PTPRU: variants seen among roughly 807,000 people sequenced by gnomAD.
The protein encoded by PTPRU is receptor-type tyrosine-protein phosphatase U.
PTPRU carries 69 observed loss-of-function variants against 166.3 expected under a neutral mutation model. The ratio of observed to expected loss-of-function variants is 0.41; its 90% confidence interval spans 0.34 to 0.51. The LOEUF (loss-of-function observed/expected upper bound fraction) is 0.51, where lower values mean the gene tolerates loss of function less well. Ranked by LOEUF, PTPRU falls within the 20% of genes least tolerant of loss-of-function variation. The pLI, the probability that PTPRU is intolerant of heterozygous loss-of-function variation, is 0.09. For synonymous variants in PTPRU, 793 were observed against 814.0 expected (o/e 0.97, Z 0.44); for missense variants, 1,657 against 2,013.7 (o/e 0.82, Z 3.39).
intron 11 of PTPRU, among the ~76,000 whole-genome samples, chr1:29,281,539 C>T (rs1686083543): frequency 6.6e-6 from 1 of 152,142 alleles, no homozygotes; most frequent in African/African-American, 2.4e-5. Flanking sequence ...CCTTCCTGAG[C>T]CTCCGTTTCT....
At chr1:29,277,212 T>C (rs1425862062) in intron 8 of PTPRU, among the ~76,000 whole-genome samples, 2 of 152,304 alleles carry the variant, frequency 1.3e-5, no homozygotes, top group Admixed American at 6.5e-5. Flanking sequence ...GTGATTCTCA[T>C]GCCTCAGCCT....
At chr1:29,299,176 A>G (rs1687028844) in intron 15 of PTPRU, among the ~76,000 whole-genome samples, 1 of 152,218 alleles carries the variant, frequency 6.6e-6, no homozygotes, top group Non-Finnish European at 1.5e-5. Context: ...ATTTGAATTC[A>G]GGTCTCTCTG....
At chr1:29,306,472 A>G (rs1687394100) in intron 18 of PTPRU, among the ~76,000 whole-genome samples, 1 of 152,224 alleles carries the variant, frequency 6.6e-6, no homozygotes, top group African/African-American at 2.4e-5. Flanking sequence ...ACAGATAGAC[A>G]TGTTTACAAA....
In PTPRU at chr1:29,257,186, A is replaced by G. The variant is rs1025604529; in HGVS notation, c.206-1319A>G. Among the ~76,000 whole-genome samples, 2 of 151,192 alleles carry G rather than the reference A, an allele frequency of 1.3e-5. No homozygotes were observed. The highest frequency in any genetic ancestry group is 3.0e-5 in the Non-Finnish European group (2 of 67,752). On this transcript the variant is annotated intron_variant, in intron 2 of 29. Coordinates refer to ENST00000373779, the MANE Select transcript of PTPRU (RefSeq NM_133178.4). This position sits in a 1 kb window ranked among gnomAD's most constrained non-coding sequence, Gnocchi z 4.6. ...AAAGTGTCAGATTGGAAGAGGGAGA[A>G]AGATGCACACAGCTGCTCGCAGGGA...
At chr1:29,258,310 C>T (rs2151944569) in intron 2 of PTPRU, among the ~76,000 whole-genome samples, 195 bp from the exon 3 acceptor site, 1 of 152,296 alleles carries the variant, frequency 6.6e-6, no homozygotes, top group East Asian at 1.9e-4. Context: ...TTTTACTGCT[C>T]CAGGTCTCCT....
At chr1:29,246,805 G>A (rs961152644) in intron 1 of PTPRU, among the ~76,000 whole-genome samples, 1 of 152,072 alleles carries the variant, frequency 6.6e-6, no homozygotes, top group Non-Finnish European at 1.5e-5. Flanking sequence ...TACTGGAGAC[G>A]AGGTTTCACC....
At chr1:29,246,278 A>G (rs1374498376) in intron 1 of PTPRU, among the ~76,000 whole-genome samples, 3 of 152,202 alleles carry the variant, frequency 2.0e-5, no homozygotes, top group East Asian at 1.9e-4. Context: ...TCCTACCACC[A>G]TGGTATCTGT....
chr1:29,254,809 C>T (rs900680144), intron 1 of PTPRU, among the ~76,000 whole-genome samples: 18 of 152,152 alleles, frequency 1.2e-4, no homozygotes, highest in Non-Finnish European at 2.1e-4. Context: ...AGTAACAATC[C>T]GGAGATCTCA....
chr1:29,281,595 C>T (rs559592678), intron 11 of PTPRU, among the ~76,000 whole-genome samples: 2 of 152,304 alleles, frequency 1.3e-5, no homozygotes, highest in South Asian at 4.1e-4. Flanking sequence ...GCACTTTGTT[C>T]ATGGCTAATG....
At chr1:29,305,475 C>T (rs1480568261) in intron 18 of PTPRU, 47 bp downstream of exon 18, 1 of 1,566,648 alleles carries the variant, frequency 6.4e-7, no homozygotes, top group Non-Finnish European at 8.8e-7. Context: ...CCTGCCCGCT[C>T]CAGGCTTACT....
chr1:29,261,120 T>C (rs544949403), intron 7 of PTPRU, among the ~76,000 whole-genome samples: 6 of 152,280 alleles, frequency 3.9e-5, no homozygotes, highest in Non-Finnish European at 5.9e-5. Flanking sequence ...AAACCCATAT[T>C]TATAGATTTA....
At chr1:29,305,487 TC>T in intron 18 of PTPRU, 59 bp downstream of exon 18, 1 of 1,535,592 alleles carries the variant, frequency 6.5e-7, no homozygotes, top group Non-Finnish European at 9.0e-7. Context: ...AGGCTTACTA[TC>T]CAGGCAGGGC....
chr1:29,305,164 A>G (rs547709264), intron 17 of PTPRU, among the ~76,000 whole-genome samples, 188 bp from the exon 18 acceptor site: 1 of 152,190 alleles, frequency 6.6e-6, no homozygotes, highest in Non-Finnish European at 1.5e-5. Context: ...TTGACTCCAT[A>G]GCCCAGGCTC....
chr1:29,264,567 G>A (rs539998232), intron 7 of PTPRU, among the ~76,000 whole-genome samples: 7 of 151,252 alleles, frequency 4.6e-5, no homozygotes, highest in Non-Finnish European at 8.8e-5. Context: ...GTGCAATGGC[G>A]CAATCTCGGC....
At chr1:29,246,537 G>C (rs1163033361) in intron 1 of PTPRU, among the ~76,000 whole-genome samples, 1 of 152,174 alleles carries the variant, frequency 6.6e-6, no homozygotes, top group African/African-American at 2.4e-5. Flanking sequence ...CAACGAACCT[G>C]TTCACTGTTG....
chr1:29,259,602 G>A, intron 5 of PTPRU, 38 bp downstream of exon 5: 1 of 1,458,784 alleles, frequency 6.9e-7, no homozygotes, highest in Non-Finnish European at 9.3e-7. Flanking sequence ...GGGCGGGGTG[G>A]GAGGGGGTTG....
intron 7 of PTPRU, among the ~76,000 whole-genome samples, chr1:29,273,241 C>G (rs1372271816): frequency 1.3e-5 from 2 of 152,088 alleles, no homozygotes; most frequent in African/African-American, 4.8e-5. Context: ...CTCCATCTTG[C>G]CTTTGCTTCA....
chr1:29,244,330 G>A (rs1198529843), intron 1 of PTPRU, among the ~76,000 whole-genome samples: 2 of 152,036 alleles, frequency 1.3e-5, no homozygotes, highest in Admixed American at 6.6e-5. Flanking sequence ...ATACCTGGGG[G>A]ATGGGACAGC....
chr1:29,316,140 G>A lies in PTPRU; in HGVS notation c.3502G>A (p.Glu1168Lys). The A allele has an allele frequency of 6.2e-7, 1 of 1,614,082 alleles. No individual in the cohort carries two copies. The highest frequency in any genetic ancestry group is 8.5e-7 in the Non-Finnish European group (1 of 1,180,026). Residue 1168 changes from glutamate to lysine, a missense_variant, in exon 24 of 30, where the codon GAA becomes AAA. By Grantham distance (56) the Glu-to-Lys change is moderately conservative. Around this residue, in one of 3 missense-constraint regions of PTPRU, gnomAD observed 1,190 missense variants for 1,477.4 expected, o/e 0.81. Transcript: ENST00000373779. ...DPQSNSSQLREEFQTLNSVTP... is the reference protein window; with the variant it reads ...DPQSNSSQLRKEFQTLNSVTP... ...TCAGAGTAATTCCTCCCAGCTGCGG[G>A]AAGAGTTCCAGGTGGGGGATGAGTG...
Sources: gnomAD v4.1 joint callset for allele counts (sites outside exome capture counted in the v4.1 genomes callset) on GRCh38, gnomAD v4.1.1 for gene constraint, gnomAD v4.1.1 regional missense constraint, Gnocchi (gnomAD v3.1) non-coding constraint, MANE v1.5 for transcripts, NCBI Gene and HGNC (gene_info 2026-07-23, HGNC 2026-07-21) for gene names.